PTPRM: variants seen among roughly 807,000 people sequenced by gnomAD.
PTPRM encodes receptor-type tyrosine-protein phosphatase mu.
A neutral mutation model predicts 186.7 loss-of-function variants in PTPRM; 47 were observed. That is an observed-to-expected ratio of 0.25 (90% CI 0.20 to 0.32). The LOEUF (loss-of-function observed/expected upper bound fraction) is 0.32, where lower values mean the gene tolerates loss of function less well. PTPRM is among the 10% of genes least tolerant of loss of function. The pLI is 1.00. For missense variants in PTPRM, 1,494 were observed against 1,865.0 expected, an observed-to-expected ratio of 0.80 and a Z score of 3.66; for synonymous variants, 668 against 674.9, an observed-to-expected ratio of 0.99 and a Z score of 0.16.
intron 2 of PTPRM, among the ~76,000 whole-genome samples, chr18:7,841,326 C>G: frequency 8.6e-6 from 1 of 116,890 alleles, no homozygotes. Flanking sequence ...GAGTCTCGCT[C>G]TGTCACCCAG....
intron 14 of PTPRM, among the ~76,000 whole-genome samples, chr18:8,240,036 CAA>C (rs1378622072): frequency 1.3e-5 from 2 of 152,142 alleles, no homozygotes; most frequent in African/African-American, 4.8e-5. Flanking sequence ...TTTTCCTACA[CAA>C]AAGACTTTGT....
intron 14 of PTPRM, among the ~76,000 whole-genome samples, chr18:8,225,212 T>A (rs2094199339): frequency 6.6e-6 from 1 of 152,256 alleles, no homozygotes; most frequent in South Asian, 2.1e-4. Flanking sequence ...AAGTTTATTC[T>A]TCTTATTTAC....
rs879312030 is a variant in PTPRM at position 7,772,243 on chromosome 18, T to TC, written c.74-1906_74-1905insC. On this transcript the variant is annotated intron_variant, in intron 1 of 32. Transcript: ENST00000580170. The stretch of plus-strand genomic sequence containing the variant: ...GCTTTCCTGTGCAAAAGCTAAGATC[T>TC]TTTTTCTTTTCTTTTCTTTTCTTTT... Among the ~76,000 whole-genome samples, 413 of 143,132 alleles carry TC rather than the reference T, an allele frequency of 2.9e-3. 2 individuals are homozygous for TC. Among genetic ancestry groups the TC allele is most frequent in the Non-Finnish European group, 4.7e-3 (310 of 65,656 alleles). 93.9% of individuals were successfully genotyped at this position (143,132 alleles called of 152,430 possible).
intron 1 of PTPRM, among the ~76,000 whole-genome samples, chr18:7,706,179 A>G (rs1037821817): frequency 6.6e-6 from 1 of 151,744 alleles, no homozygotes; most frequent in African/African-American, 2.4e-5. Context: ...TGAGAGTGAC[A>G]TATAGAAGTC....
At chr18:7,732,810 AT>A (rs1348557370) in intron 1 of PTPRM, among the ~76,000 whole-genome samples, 1 of 152,126 alleles carries the variant, frequency 6.6e-6, no homozygotes, top group African/African-American at 2.4e-5. Context: ...TGGCCTCACA[AT>A]ATGGACTCTT....
chr18:8,203,744 GAA>G (rs1033302645), intron 14 of PTPRM, among the ~76,000 whole-genome samples: 7 of 152,154 alleles, frequency 4.6e-5, no homozygotes, highest in Non-Finnish European at 8.8e-5. Flanking sequence ...GTGTGTGTGA[GAA>G]AGTAAACACA....
intron 1 of PTPRM, among the ~76,000 whole-genome samples, chr18:7,698,130 A>G (rs2039883761): frequency 6.6e-6 from 1 of 152,008 alleles, no homozygotes; most frequent in Non-Finnish European, 1.5e-5. Context: ...ACAAAATCTC[A>G]TCCTCACCCC....
intron 1 of PTPRM, among the ~76,000 whole-genome samples, chr18:7,705,580 G>A (rs1424258702): frequency 1.3e-5 from 2 of 152,076 alleles, no homozygotes; most frequent in African/African-American, 4.8e-5. Flanking sequence ...ATGTAGTATT[G>A]AATATACACA....
At chr18:7,681,701 C>T (rs1177791040) in intron 1 of PTPRM, among the ~76,000 whole-genome samples, 4 of 152,172 alleles carry the variant, frequency 2.6e-5, no homozygotes, top group African/African-American at 7.2e-5. Context: ...GCATAAGCCA[C>T]GTTGCTCACT....
intron 1 of PTPRM, among the ~76,000 whole-genome samples, chr18:7,632,136 G>A (rs1280814608): frequency 6.6e-6 from 1 of 152,174 alleles, no homozygotes; most frequent in Non-Finnish European, 1.5e-5. Context: ...GGAGTTGATC[G>A]GATGATGTCA....
intron 2 of PTPRM, chr18:7,814,360 G>A (rs939744014): frequency 4.6e-5 from 7 of 152,224 alleles, no homozygotes; most frequent in Non-Finnish European, 8.8e-5. Flanking sequence ...TTAGGGCTCA[G>A]GGTAAAATTA....
At chr18:7,707,429 G>A (rs929744884) in intron 1 of PTPRM, among the ~76,000 whole-genome samples, 8 of 152,146 alleles carry the variant, frequency 5.3e-5, no homozygotes, top group Admixed American at 5.2e-4. Flanking sequence ...CTGGAAGTTT[G>A]TGAGCAACTT....
chr18:7,669,730 T>A (rs1366593629), intron 1 of PTPRM, among the ~76,000 whole-genome samples: 1 of 152,100 alleles, frequency 6.6e-6, no homozygotes, highest in African/African-American at 2.4e-5. Context: ...TCTTTTACTT[T>A]ATTTTTTTTG....
At chr18:7,613,653 A>G (rs2037733518) in intron 1 of PTPRM, among the ~76,000 whole-genome samples, 1 of 151,770 alleles carries the variant, frequency 6.6e-6, no homozygotes, top group Non-Finnish European at 1.5e-5. Flanking sequence ...AGCCTGGGTG[A>G]CAGAGCGAGA....
intron 31 of PTPRM, among the ~76,000 whole-genome samples, chr18:8,388,757 C>T (rs1285068501): frequency 1.3e-5 from 2 of 152,102 alleles, no homozygotes; most frequent in Non-Finnish European, 2.9e-5. Flanking sequence ...GTCAGGAGAT[C>T]AAGACCCTCC....
intron 24 of PTPRM, among the ~76,000 whole-genome samples, chr18:8,375,080 T>C (rs2095686549): frequency 6.6e-6 from 1 of 152,238 alleles, no homozygotes; most frequent in Non-Finnish European, 1.5e-5. Context: ...TAAAACACAG[T>C]CTTAATATAT....
At chr18:7,797,303 C>T (rs1370335848) in intron 2 of PTPRM, among the ~76,000 whole-genome samples, 2 of 152,180 alleles carry the variant, frequency 1.3e-5, no homozygotes, top group African/African-American at 4.8e-5. Flanking sequence ...TCCTGAGGTC[C>T]ACCAGACATT....
At chr18:7,591,100 T>C (rs944617796) in intron 1 of PTPRM, among the ~76,000 whole-genome samples, 2 of 152,222 alleles carry the variant, frequency 1.3e-5, no homozygotes, top group African/African-American at 4.8e-5. Context: ...AAAACTTATC[T>C]CCATTTTTCT....
intron 6 of PTPRM, among the ~76,000 whole-genome samples, 162 bp from the exon 7 acceptor site, chr18:7,954,959 C>A (rs1277636503): frequency 6.6e-6 from 1 of 152,150 alleles, no homozygotes; most frequent in Non-Finnish European, 1.5e-5. Context: ...CTATGAAAAT[C>A]TTTTTCAACA....
Sources: gnomAD v4.1 joint callset for allele counts (sites outside exome capture counted in the v4.1 genomes callset) on GRCh38, gnomAD v4.1.1 for gene constraint, MANE v1.5 for transcripts, NCBI Gene and HGNC (gene_info 2026-07-23, HGNC 2026-07-21) for gene names.